The following FLG variants were observed in gnomAD, a reference collection of about 807,000 sequenced individuals.
The protein encoded by FLG is epidermal filaggrin.
In FLG, 6 loss-of-function variants were observed where a neutral mutation model predicts 3.8. The ratio of observed to expected loss-of-function variants is 1.60; its 90% CI spans 0.87 to 3.15. The LOEUF (loss-of-function observed/expected upper bound fraction) is 3.15, where lower values mean the gene tolerates loss of function less well. FLG is among the 30% of genes most tolerant of loss of function. The pLI, the probability that FLG is intolerant of heterozygous loss-of-function variation, is 0.00. For synonymous variants in FLG, 2,551 were observed against 1,931.6 expected (o/e 1.32, Z -8.41); for missense variants, 7,595 against 5,050.9 (o/e 1.50, Z -15.27).
rs541904965 is a variant in FLG at position 152,313,050 on chromosome 1, C to A, written c.1836G>T (p.Arg612Ser). The change falls in exon 3 of 3, where the codon AGG becomes AGT. Residue 612 changes from arginine to serine, a missense_variant. Physicochemically the swap from Arg to Ser is moderately radical, Grantham distance 110. Coordinates refer to ENST00000368799, the MANE Select transcript of FLG (RefSeq NM_002016.2). ...QVGQGQSSGP[R>S]TSRNQGSSVS... Reference sequence around the variant, plus strand: ...CACTGGATCCCTGGTTCCTACTTGTCCTGGGCCCCGATGATTGTCCCTGGC... The same window carrying A: ...CACTGGATCCCTGGTTCCTACTTGTACTGGGCCCCGATGATTGTCCCTGGC... The A allele has an allele frequency of 2.5e-6, 4 of 1,614,024 alleles. No homozygotes were observed. Among genetic ancestry groups the A allele is most frequent in the East Asian group, 4.5e-5 (2 of 44,856 alleles).
In FLG at chr1:152,312,813, T is replaced by G; in HGVS notation, c.2073A>C (p.Gly691=). ...GTRHTQNSSS[G]QAASSHEQAR... ...CCTGTTCATGGGATGACGCAGCCTG[T>G]CCACTAGAGGAATTCTGTGTGTGAC... is the stretch of plus-strand genomic sequence containing the variant. The change falls in exon 3 of 3, where the codon GGA becomes GGC. Residue 691 remains glycine (G), a synonymous_variant. Transcript: ENST00000368799. 5 of 1,614,030 alleles carry G rather than the reference T, an allele frequency of 3.1e-6. No homozygotes were observed. Among genetic ancestry groups the G allele is most frequent in the Non-Finnish European group, 4.2e-6 (5 of 1,180,010 alleles).
In FLG at chr1:152,312,842, T is replaced by C. The variant is rs1413745460; in HGVS notation, c.2044A>G (p.Thr682Ala). The change falls in exon 3 of 3, where the codon ACT becomes GCT. Residue 682 changes from threonine (T) to alanine (A), a missense_variant. Physicochemically the swap from Thr to Ala is moderately conservative, Grantham distance 58. Transcript: ENST00000368799. ...HSADSSRKSG[T>A]RHTQNSSSGQ... ...CTAGAGGAATTCTGTGTGTGACGAG[T>C]GCCTGATTTTCTGGAGCTGTCTGCA... 6.2e-7 allele frequency: 1 copy of C among 1,613,978 alleles called. No individual in the cohort carries two copies. Among genetic ancestry groups the C allele is most frequent in the South Asian group, 1.1e-5 (1 of 91,074 alleles).
Position 152,309,390 on chromosome 1 carries a change from C to G in FLG, c.5496G>C (p.Ser1832=). The G allele has an allele frequency of 6.2e-7, 1 of 1,613,738 alleles. No homozygotes were observed. The highest frequency in any genetic ancestry group is 8.5e-7 in the Non-Finnish European group (1 of 1,179,968). The change falls in exon 3 of 3, where the codon TCG becomes TCC. Residue 1832 remains serine, a synonymous_variant. Coordinates refer to ENST00000368799, the MANE Select transcript of FLG (RefSeq NM_002016.2). ...GGRQGSHYEQ[S]VDSSGHSGSH... ...ACCCTGAGTGTCCAGAACTATCTAC[C>G]GATTGCTCATAGTGGGATCCCTGCC... is the stretch of plus-strand genomic sequence containing the variant.
rs1570901226 is a variant in FLG at position 152,307,554 on chromosome 1, C to G, written c.7332G>C (p.Lys2444Asn). 6.2e-7 allele frequency: 1 copy of G among 1,613,668 alleles called. No individual in the cohort carries two copies. The highest frequency in any genetic ancestry group is 1.7e-5 in the Admixed American group (1 of 59,956). The change falls in exon 3 of 3, where the codon AAG (lysine) becomes AAC (asparagine). Residue 2444 changes from lysine to asparagine, a missense_variant. Lys to Asn is a moderately conservative substitution (Grantham distance 94). Transcript: ENST00000368799. The stretch of plus-strand genomic sequence containing the variant: ...AGTGCCTGGAGCTGTCTCGTGCCTG[C>G]TTGTGGTGGGATCCTTGTCTTCCTC... ...STGGRQGSHH[K>N]QARDSSRHST...
rs141375260 is a variant in FLG, at chr1:152,311,468, G to A, written c.3418C>T (p.Arg1140Ter). ...TGCTCGTGGTGGGATCCTTGTCTTC[G>A]TCCAGTGCTGGTCCTGGTCCGCCCA... The part of the protein sequence containing the change: ...AHGRTRTSTG[R>*]RQGSHHEQAR... The change falls in exon 3 of 3, where the codon CGA becomes TGA. Residue 1140 changes from arginine (R) to a stop codon, truncating the protein, a stop_gained. Coordinates refer to ENST00000368799, the MANE Select transcript of FLG (RefSeq NM_002016.2). LOFTEE classifies it low-confidence loss of function (END_TRUNC). 1.6e-4 allele frequency: 251 copies of A among 1,613,716 alleles called. 1 individual carries two copies. The highest frequency in any genetic ancestry group is 6.8e-4 in the South Asian group (62 of 91,066).
Position 152,310,600 on chromosome 1 carries a change from C to A in FLG, c.4286G>T (p.Gly1429Val). 1.2e-6 allele frequency: 2 copies of A among 1,613,934 alleles called. No homozygotes were observed. The highest frequency in any genetic ancestry group is 1.7e-6 in the Non-Finnish European group (2 of 1,179,968). The change falls in exon 3 of 3, where the codon GGC becomes GTC. Residue 1429 changes from glycine to valine, a missense_variant. Transcript: ENST00000368799. ...ACGTCCAGAGCTTTCCCCTGACTGGCCACGTGCGGACTCTTTGTGGCTCTG... is the reference window on the plus strand; with the variant it reads ...ACGTCCAGAGCTTTCCCCTGACTGGACACGTGCGGACTCTTTGTGGCTCTG... ...HQQSHKESAR[G>V]QSGESSGRSR...
Position 152,313,570 on chromosome 1 carries a change from C to T in FLG, c.1316G>A (p.Gly439Asp), listed in dbSNP as rs748562526. 3.7e-6 allele frequency: 6 copies of T among 1,614,034 alleles called. No individual in the cohort carries two copies. The highest frequency in any genetic ancestry group is 1.6e-4 in the Middle Eastern group (1 of 6,062). The change falls in exon 3 of 3, where the codon GGC (glycine) becomes GAC (aspartate). Residue 439 changes from glycine to aspartate, a missense_variant. By Grantham distance (94) the Gly-to-Asp change is moderately conservative (BLOSUM62 -1). Transcript: ENST00000368799. ...SENSDTQSVS[G>D]HGKAGLRQQS... is the part of the protein sequence containing the mutation. ...CTGTCTCAGCCCAGCCTTTCCGTGGCCTGACACTGATTGTGTGTCTGAGTT... is the reference window on the plus strand; with the variant it reads ...CTGTCTCAGCCCAGCCTTTCCGTGGTCTGACACTGATTGTGTGTCTGAGTT...
At position 152,305,087 on chromosome 1, in the gene FLG, A is replaced by C; in HGVS notation, c.9799T>G (p.Ser3267Ala). The C allele has an allele frequency of 6.2e-7, 1 of 1,613,826 alleles. No individual in the cohort carries two copies. The highest frequency in any genetic ancestry group is 2.2e-5 in the East Asian group (1 of 44,840). The change falls in exon 3 of 3, where the codon TCT becomes GCT. Residue 3267 changes from serine to alanine, a missense_variant. Coordinates refer to ENST00000368799, the MANE Select transcript of FLG (RefSeq NM_002016.2). ...CCTGATTGTCTGGAGCGGTCTGCAG[A>C]GTGCCCGTGACCGGCTCTGTCTTCG... Reference protein sequence around the residue: ...HHEDRAGHGHSADRSRQSGTR... With the variant: ...HHEDRAGHGHAADRSRQSGTR...
In FLG at chr1:152,307,547, G is replaced by T. The variant is rs138726443; in HGVS notation, c.7339C>A (p.Arg2447=). 7.4e-6 allele frequency: 12 copies of T among 1,613,520 alleles called. No homozygotes were observed. In the African/African-American group the frequency reaches 1.1e-4, roughly 14 times the overall value. Residue 2447 remains arginine (R), a synonymous_variant, in exon 3 of 3, where the codon CGA becomes AGA. Coordinates refer to ENST00000368799, the MANE Select transcript of FLG (RefSeq NM_002016.2). The part of the protein sequence containing the change: ...GRQGSHHKQA[R]DSSRHSTSQE... ...GACGTTGAGTGCCTGGAGCTGTCTCGTGCCTGCTTGTGGTGGGATCCTTGT... is the reference window on the plus strand; with the variant it reads ...GACGTTGAGTGCCTGGAGCTGTCTCTTGCCTGCTTGTGGTGGGATCCTTGT...
rs776993773 is a variant in FLG at position 152,303,223 on chromosome 1, T to C, written c.11663A>G (p.His3888Arg). The change falls in exon 3 of 3, where the codon CAT becomes CGT. Residue 3888 changes from histidine (H) to arginine (R), a missense_variant. His to Arg is a conservative substitution (Grantham distance 29). Transcript: ENST00000368799. ...RRSESASRNH[H>R]GSSREQSRDG... Reference sequence around the variant, plus strand: ...TCTTGACTGCTCCCGAGAAGATCCATGATGGTTTCTGGAAGCAGACTCAGA... The same window carrying C: ...TCTTGACTGCTCCCGAGAAGATCCACGATGGTTTCTGGAAGCAGACTCAGA... 16 of 1,613,818 alleles carry C rather than the reference T, an allele frequency of 9.9e-6. No homozygotes were observed. The highest frequency in any genetic ancestry group is 1.6e-4 in the Middle Eastern group (1 of 6,084).
chr1:152,307,469 T>G lies in FLG; in HGVS notation c.7417A>C (p.Arg2473=), dbSNP rs1652054305. Residue 2473 remains arginine, a synonymous_variant, in exon 3 of 3, where the codon AGG becomes CGG. Coordinates refer to ENST00000368799, the MANE Select transcript of FLG (RefSeq NM_002016.2). ...HGHPGSSSGG[R]QGSHYEQLVD... ...AATTGCTCGTAGTGGGATCCCTGCC[T>G]TCCTCCACTGCTTGACCCCGGGTGT... 2 of 1,613,230 alleles carry G rather than the reference T, an allele frequency of 1.2e-6. No homozygotes were observed. Among genetic ancestry groups the G allele is most frequent in the African/African-American group, 1.3e-5 (1 of 74,878 alleles).
In FLG at chr1:152,304,939, G is replaced by C. The variant is rs149484917; in HGVS notation, c.9947C>G (p.Ser3316Ter). ...HQQSADSSRHSGIPRGQASSA... is the reference protein window; with the variant it reads ...HQQSADSSRH Reference sequence around the variant, plus strand: ...TGAAGCTTGTCCACGCGGAATGCCTGAGTGTCTGGAGCTGTCTGCTGACTG... The same window carrying C: ...TGAAGCTTGTCCACGCGGAATGCCTCAGTGTCTGGAGCTGTCTGCTGACTG... The change falls in exon 3 of 3, where the codon TCA becomes TGA. Residue 3316 changes from serine to a stop codon, truncating the protein, a stop_gained. Transcript: ENST00000368799. LOFTEE classifies it low-confidence loss of function (END_TRUNC). 661 of 1,613,870 alleles carry C rather than the reference G, an allele frequency of 4.1e-4. 10 individuals are homozygous for C. The African/African-American group carries it at 8.2e-3, about 20-fold the overall frequency.
At position 152,311,696 on chromosome 1, in the gene FLG, A is replaced by T; in HGVS notation, c.3190T>A (p.Trp1064Arg). ...ASSAVRDSGH[W>R]GSSGSQASDS... Reference sequence around the variant, plus strand: ...CTGGCCTGACTACCACTGGACCCCCAGTGTCCACTGTCTCTGACTGCAGAT... The same window carrying T: ...CTGGCCTGACTACCACTGGACCCCCTGTGTCCACTGTCTCTGACTGCAGAT... Residue 1064 changes from tryptophan (W) to arginine (R), a missense_variant, in exon 3 of 3, where the codon TGG becomes AGG. Physicochemically the swap from Trp to Arg is moderately radical, Grantham distance 101. Coordinates refer to ENST00000368799, the MANE Select transcript of FLG (RefSeq NM_002016.2). 1 of 1,613,768 alleles carries T rather than the reference A, an allele frequency of 6.2e-7. No individual in the cohort carries two copies. Among genetic ancestry groups the T allele is most frequent in the Non-Finnish European group, 8.5e-7 (1 of 1,179,946 alleles).
Position 152,311,865 on chromosome 1 carries a change from A to G in FLG, c.3021T>C (p.Thr1007=). The change falls in exon 3 of 3, where the codon ACT becomes ACC. Residue 1007 remains threonine, a synonymous_variant. Transcript: ENST00000368799. ...HSADSSRQSG[T]PHAETSSGGQ... is the part of the protein sequence containing the mutation. ...CACCAGAGGAAGTCTCTGCGTGAGG[A>G]GTTCCTGATTGTCTGGAGCTGTCTG... 1 of 1,613,978 alleles carries G rather than the reference A, an allele frequency of 6.2e-7. No homozygotes were observed. Among genetic ancestry groups the G allele is most frequent in the Non-Finnish European group, 8.5e-7 (1 of 1,179,964 alleles).
chr1:152,322,339 A>G (rs1364922721), intron 1 of FLG, among the ~76,000 whole-genome samples: 1 of 151,272 alleles, frequency 6.6e-6, no homozygotes, highest in Non-Finnish European at 1.5e-5. Flanking sequence ...GTTATTACTC[A>G]CAGAATGATA....
At chr1:152,314,872 T>A in intron 2 of FLG, 125 bp from the exon 3 acceptor site, 1 of 1,272,706 alleles carries the variant, frequency 7.9e-7, no homozygotes, top group Non-Finnish European at 1.1e-6. Flanking sequence ...AATCTTTTTT[T>A]TTTTTAAGAC....
Position 152,302,481 on chromosome 1 carries a change from T to A in FLG, c.*219A>T, listed in dbSNP as rs1489215829. 4 of 603,256 alleles carry A rather than the reference T, an allele frequency of 6.6e-6. No individual in the cohort carries two copies. The highest frequency in any genetic ancestry group is 3.0e-5 in the East Asian group (1 of 33,466). The allele number at this position is 603,256 out of a possible 1,614,324, so 37.4% of individuals were successfully genotyped here. On this transcript the variant is annotated 3_prime_UTR_variant, in exon 3 of 3. Coordinates refer to ENST00000368799, the MANE Select transcript of FLG (RefSeq NM_002016.2). ...CTAGTTTTCTAAAGTTAGCTCTCCA[T>A]GATATTGATTTCTTCCATTTAATAT... is the stretch of plus-strand genomic sequence containing the variant.
rs1374108298 is a variant in FLG, at chr1:152,308,339, G to C, written c.6547C>G (p.Gln2183Glu). ...SQGRSDASRG[Q>E]SGSRSASRKT... is the part of the protein sequence containing the mutation. ...CTGCTTGCACTTCTGGATCCTGACT[G>C]CCCACGGGAGGCATCAGACCTTCCC... The change falls in exon 3 of 3, where the codon CAG becomes GAG. Residue 2183 changes from glutamine (Q) to glutamate (E), a missense_variant. Coordinates refer to ENST00000368799, the MANE Select transcript of FLG (RefSeq NM_002016.2). 2 of 1,613,618 alleles carry C rather than the reference G, an allele frequency of 1.2e-6. No individual in the cohort carries two copies. The highest frequency in any genetic ancestry group is 1.1e-5 in the South Asian group (1 of 91,050).
Position 152,312,961 on chromosome 1 carries a change from G to C in FLG, c.1925C>G (p.Ser642Cys). The change falls in exon 3 of 3, where the codon TCC (serine) becomes TGC (cysteine). Residue 642 changes from serine (S) to cysteine (C), a missense_variant. Transcript: ENST00000368799. ...EDSERWSGSA[S>C]RNHHGSAQEQ... is the part of the protein sequence containing the mutation. ...CTGAGCAGATCCATGATGGTTTCTGGAAGCAGACCCAGACCACCTCTCAGA... is the reference window on the plus strand; with the variant it reads ...CTGAGCAGATCCATGATGGTTTCTGCAAGCAGACCCAGACCACCTCTCAGA... 2 of 1,613,960 alleles carry C rather than the reference G, an allele frequency of 1.2e-6. No individual in the cohort carries two copies. The highest frequency in any genetic ancestry group is 2.2e-5 in the East Asian group (1 of 44,860).
Sources: allele counts gnomAD v4.1 joint callset (sites outside exome capture counted in the v4.1 genomes callset), GRCh38; gene constraint gnomAD v4.1.1; transcripts MANE v1.5; gene names NCBI Gene and HGNC (gene_info 2026-07-23, HGNC 2026-07-21).